Variants in TMEM108 observed in about 807,000 individuals in gnomAD.
TMEM108 encodes cancer/testis antigen 124.
In TMEM108, 12 loss-of-function variants were observed where a neutral mutation model predicts 35.1. The ratio of observed to expected loss-of-function variants is 0.34; its 90% CI spans 0.22 to 0.55. The LOEUF is 0.55. Among genes scored for constraint, TMEM108 ranks in the 20% least tolerant of loss-of-function variants. TMEM108 has a pLI of 0.89. For missense variants in TMEM108, 680 were observed against 753.3 expected, an observed-to-expected ratio of 0.90 and a Z score of 1.14; for synonymous variants, 287 against 308.6, an observed-to-expected ratio of 0.93 and a Z score of 0.73.
intron 2 of TMEM108, among the ~76,000 whole-genome samples, chr3:133,082,050 C>G (rs1230732807): frequency 6.6e-6 from 1 of 152,198 alleles, no homozygotes; most frequent in African/African-American, 2.4e-5. Context: ...AACTCTACTC[C>G]TTGTGGCAGA....
chr3:133,126,248 T>C (rs1475386634), intron 2 of TMEM108, among the ~76,000 whole-genome samples: 1 of 152,002 alleles, frequency 6.6e-6, no homozygotes, highest in Non-Finnish European at 1.5e-5. Flanking sequence ...GGGTGGACCA[T>C]GAGGTCAGGA....
chr3:133,362,680 A>C (rs1411268306), intron 3 of TMEM108, among the ~76,000 whole-genome samples: 5 of 152,104 alleles, frequency 3.3e-5, no homozygotes, highest in African/African-American at 1.2e-4. Flanking sequence ...ATCCTCCCCT[A>C]GCTTATGGTG....
intron 2 of TMEM108, among the ~76,000 whole-genome samples, chr3:133,212,284 G>A (rs147779083): frequency 1.2e-4 from 18 of 152,160 alleles, no homozygotes; most frequent in African/African-American, 4.3e-4. Context: ...CTAAATATCC[G>A]GATTTCTGAC....
chr3:133,257,450 T>G (rs1261772470), intron 3 of TMEM108, among the ~76,000 whole-genome samples: 2 of 152,238 alleles, frequency 1.3e-5, no homozygotes. Context: ...TTGCATGGCT[T>G]AAGCTTTGCT....
intron 3 of TMEM108, among the ~76,000 whole-genome samples, chr3:133,289,812 CA>C (rs1947037419): frequency 6.6e-6 from 1 of 152,128 alleles, no homozygotes; most frequent in South Asian, 2.1e-4. Context: ...CCACTCGAAT[CA>C]AAAACATTTG....
In TMEM108 at chr3:133,332,749, A is replaced by G. The variant is rs182187430; in HGVS notation, c.41-47003A>G. On this transcript the variant is annotated intron_variant, in intron 3 of 5. Coordinates refer to ENST00000321871, the MANE Select transcript of TMEM108 (RefSeq NM_023943.4). The stretch of plus-strand genomic sequence containing the variant: ...ATCAGCTCGATTCAGTCTTCTTCCT[A>G]TCCTTTAAGTTGATCATTCACACTG... Among the ~76,000 whole-genome samples, 34 of 152,288 alleles carry G rather than the reference A, an allele frequency of 2.2e-4. No homozygotes were observed. The East Asian group carries it at 6.4e-3, about 29-fold the overall frequency.
At chr3:133,168,094 A>G (rs1459184270) in intron 2 of TMEM108, among the ~76,000 whole-genome samples, 1 of 152,118 alleles carries the variant, frequency 6.6e-6, no homozygotes, top group East Asian at 1.9e-4. Flanking sequence ...AGTTGTGTCT[A>G]AACTGAAAAA....
chr3:133,164,873 G>A (rs1559853086), intron 2 of TMEM108, among the ~76,000 whole-genome samples: 1 of 152,040 alleles, frequency 6.6e-6, no homozygotes, highest in Non-Finnish European at 1.5e-5. Flanking sequence ...GTCCACATGG[G>A]AGAGCATTAA....
At chr3:133,291,830 C>G (rs1947073450) in intron 3 of TMEM108, among the ~76,000 whole-genome samples, 1 of 152,182 alleles carries the variant, frequency 6.6e-6, no homozygotes, top group African/African-American at 2.4e-5. Context: ...CGGCCTTTCT[C>G]AGCTCCAGAC....
At chr3:133,115,815 G>T (rs1335393868) in intron 2 of TMEM108, among the ~76,000 whole-genome samples, 1 of 152,186 alleles carries the variant, frequency 6.6e-6, no homozygotes, top group African/African-American at 2.4e-5. Context: ...ATTAGCTGTT[G>T]CTGTCCCTGT....
At chr3:133,191,043 G>A (rs1945490869) in intron 2 of TMEM108, among the ~76,000 whole-genome samples, 3 of 151,864 alleles carry the variant, frequency 2.0e-5, no homozygotes. Flanking sequence ...GTACCAATGT[G>A]GTTCATTTTT....
chr3:133,050,978 GTT>G (rs58955436), intron 2 of TMEM108, among the ~76,000 whole-genome samples: 1 of 145,354 alleles, frequency 6.9e-6, no homozygotes, highest in African/African-American at 2.5e-5. Flanking sequence ...CTGTGTGCGA[GTT>G]TTTTTTTTTT....
intron 3 of TMEM108, among the ~76,000 whole-genome samples, chr3:133,264,787 C>T (rs985634185): frequency 1.3e-5 from 2 of 152,128 alleles, no homozygotes; most frequent in African/African-American, 4.8e-5. Context: ...GTTACCTACC[C>T]TATAGGCTTA....
intron 2 of TMEM108, among the ~76,000 whole-genome samples, chr3:133,171,688 A>G (rs1289401363): frequency 2.0e-5 from 3 of 152,228 alleles, no homozygotes; most frequent in African/African-American, 4.8e-5. Context: ...AGACTCTTCT[A>G]TAAAAGGATT....
intron 2 of TMEM108, among the ~76,000 whole-genome samples, chr3:133,104,468 A>C (rs1203704769): frequency 6.6e-6 from 1 of 151,958 alleles, no homozygotes; most frequent in African/African-American, 2.4e-5. Flanking sequence ...TTTTTTTCTT[A>C]ATCTCTAGTT....
intron 3 of TMEM108, among the ~76,000 whole-genome samples, chr3:133,266,115 A>G (rs918993112): frequency 3.3e-5 from 5 of 152,010 alleles, no homozygotes; most frequent in African/African-American, 1.2e-4. Flanking sequence ...CACTTGCAGT[A>G]GTTTCCTTAG....
intron 2 of TMEM108, among the ~76,000 whole-genome samples, chr3:133,155,133 T>C (rs79320736): frequency 0.029 from 4,397 of 152,218 alleles, 220 homozygotes; most frequent in African/African-American, 0.1. Context: ...CTTGCATTCG[T>C]TTGGTAAGGA....
intron 2 of TMEM108, among the ~76,000 whole-genome samples, chr3:133,049,077 T>G (rs777602873): frequency 2.0e-5 from 3 of 152,214 alleles, no homozygotes; most frequent in Non-Finnish European, 2.9e-5. Context: ...GCTTTGTTAG[T>G]GGTTTCTGAC....
chr3:133,071,036 C>T (rs537869762), intron 2 of TMEM108, among the ~76,000 whole-genome samples: 238 of 152,254 alleles, frequency 1.6e-3, no homozygotes, highest in African/African-American at 5.3e-3. Context: ...CTGTTACCAG[C>T]ATATTGTACA....
Sources: allele counts gnomAD v4.1 joint callset (sites outside exome capture counted in the v4.1 genomes callset), GRCh38; gene constraint gnomAD v4.1.1; transcripts MANE v1.5; gene names NCBI Gene and HGNC (gene_info 2026-07-23, HGNC 2026-07-21).